The following MDH1B variants were observed in gnomAD, a reference collection of about 807,000 sequenced individuals.
The protein encoded by MDH1B is putative malate dehydrogenase 1B.
MDH1B carries 60 observed loss-of-function variants against 61.4 expected under a neutral mutation model. The observed-to-expected ratio is 0.98, with a 90% confidence interval of 0.79 to 1.21. The LOEUF (loss-of-function observed/expected upper bound fraction) is 1.21, where lower values mean the gene tolerates loss of function less well. Ranked by LOEUF, MDH1B falls within the 50% of genes most tolerant of loss-of-function variation. The probability of loss-of-function intolerance (pLI) is 0.00; values close to 1 mark genes in which losing one functional copy is unlikely to be tolerated. For synonymous variants in MDH1B, 236 were observed against 218.7 expected (o/e 1.08, Z -0.70); for missense variants, 587 against 632.1 (o/e 0.93, Z 0.76).
chr2:206,749,330 G>A, intron 6 of MDH1B, 147 bp from the exon 7 acceptor site: 1 of 658,594 alleles, frequency 1.5e-6, no homozygotes, highest in Non-Finnish European at 2.4e-6. Flanking sequence ...CTTTCCTCAA[G>A]TGTCTTTGAT....
At chr2:206,756,399 G>A (rs1462995180) in intron 4 of MDH1B, among the ~76,000 whole-genome samples, 1 of 152,138 alleles carries the variant, frequency 6.6e-6, no homozygotes, top group Non-Finnish European at 1.5e-5. Context: ...GAGAGAGCAA[G>A]AGAGACAGAG....
chr2:206,741,743 C>A (rs1171949235), intron 9 of MDH1B, among the ~76,000 whole-genome samples: 1 of 152,058 alleles, frequency 6.6e-6, no homozygotes, highest in Non-Finnish European at 1.5e-5. Flanking sequence ...TCTACGGAAC[C>A]TTGACTATAC....
intron 9 of MDH1B, among the ~76,000 whole-genome samples, chr2:206,745,145 A>G (rs1225834949): frequency 6.6e-6 from 1 of 152,108 alleles, no homozygotes; most frequent in Non-Finnish European, 1.5e-5. Flanking sequence ...AAAGATGGAC[A>G]TGTGAAGAGG....
intron 2 of MDH1B, among the ~76,000 whole-genome samples, chr2:206,758,536 C>G (rs1232810562): frequency 6.6e-6 from 1 of 151,950 alleles, no homozygotes; most frequent in East Asian, 1.9e-4. Context: ...GAGGCCGAGG[C>G]GGGGGGAACA....
intron 6 of MDH1B, among the ~76,000 whole-genome samples, chr2:206,750,665 T>C (rs1322841416): frequency 2.0e-5 from 3 of 152,142 alleles, no homozygotes; most frequent in African/African-American, 7.2e-5. Flanking sequence ...GATTCCCTTA[T>C]ACATGCTTGC....
chr2:206,758,195 T>C, intron 2 of MDH1B, among the ~76,000 whole-genome samples: 1 of 152,180 alleles, frequency 6.6e-6, no homozygotes, highest in East Asian at 1.9e-4. Flanking sequence ...AAAAACCTTC[T>C]GCACCCTGCA....
At chr2:206,750,025 C>T (rs1217914689) in intron 6 of MDH1B, among the ~76,000 whole-genome samples, 1 of 152,104 alleles carries the variant, frequency 6.6e-6, no homozygotes, top group Non-Finnish European at 1.5e-5. Context: ...ACTGGTCCTG[C>T]CCACGCAGCA....
rs1331686128 is a variant in MDH1B at position 206,758,669 on chromosome 2, G to A, written c.136-1298C>T. On this transcript the variant is annotated intron_variant, in intron 2 of 11. Transcript: ENST00000374412. ...TAATCCCAGCTACTCAGGAGGCTGA[G>A]GCAGGAGAATTGCTTGAACCTGGGA... 2.0e-5 allele frequency among the ~76,000 whole-genome samples: 3 copies of A among 152,228 alleles called. No individual in the cohort carries two copies. In the East Asian group the frequency reaches 5.8e-4, roughly 29 times the overall value.
At chr2:206,750,877 A>C in intron 6 of MDH1B, 57 bp downstream of exon 6, 8 of 1,370,868 alleles carry the variant, frequency 5.8e-6, no homozygotes, top group Non-Finnish European at 7.9e-6. Flanking sequence ...AAAGATTACA[A>C]CCATTAAACA....
At chr2:206,754,954 T>C (rs2105941542) in intron 5 of MDH1B, 55 bp downstream of exon 5, 1 of 1,566,518 alleles carries the variant, frequency 6.4e-7, no homozygotes, top group Non-Finnish European at 8.7e-7. Context: ...CCTAGCTGCT[T>C]TGAAATCATG....
intron 3 of MDH1B, 27 bp from the exon 4 acceptor site, chr2:206,757,067 T>C: frequency 2.5e-6 from 4 of 1,603,134 alleles, no homozygotes; most frequent in Non-Finnish European, 3.4e-6. Flanking sequence ...AAAAAGTCAA[T>C]ATCAGAGAAT....
intron 9 of MDH1B, 180 bp from the exon 10 acceptor site, chr2:206,741,284 A>T: frequency 1.3e-6 from 1 of 764,340 alleles, no homozygotes; most frequent in Middle Eastern, 2.4e-4. Context: ...AAACAAAAAA[A>T]TACATGAAAT....
At chr2:206,760,108 G>C (rs192954412) in intron 2 of MDH1B, among the ~76,000 whole-genome samples, 17 of 152,252 alleles carry the variant, frequency 1.1e-4, no homozygotes, top group Admixed American at 1.1e-3. Context: ...GATCCAAAAG[G>C]CACAACAGGT....
intron 2 of MDH1B, among the ~76,000 whole-genome samples, chr2:206,759,673 T>A (rs1688977619): frequency 6.6e-6 from 1 of 152,208 alleles, no homozygotes; most frequent in Admixed American, 6.5e-5. Context: ...TGATTTGCAT[T>A]TCTCTAATAA....
At chr2:206,756,725 A>C in intron 4 of MDH1B, 173 bp downstream of exon 4, 1 of 642,764 alleles carries the variant, frequency 1.6e-6, no homozygotes, top group Non-Finnish European at 2.6e-6. Context: ...TGGAGGATAC[A>C]AACACACACA....
At chr2:206,746,920 A>G (rs1688142615) in intron 7 of MDH1B, among the ~76,000 whole-genome samples, 1 of 152,136 alleles carries the variant, frequency 6.6e-6, no homozygotes, top group South Asian at 2.1e-4. Flanking sequence ...TTCATGGGGG[A>G]TGATTTCCTT....
chr2:206,763,025 T>C (rs1689194171), intron 1 of MDH1B, among the ~76,000 whole-genome samples: 1 of 152,002 alleles, frequency 6.6e-6, no homozygotes, highest in South Asian at 2.1e-4. Context: ...CAAGTAGCAA[T>C]CTATATTTCC....
chr2:206,744,820 G>A (rs761032095), intron 9 of MDH1B, among the ~76,000 whole-genome samples: 23 of 152,068 alleles, frequency 1.5e-4, no homozygotes, highest in Non-Finnish European at 2.9e-4. Context: ...AGCTAATCAG[G>A]AGGCTGAGAC....
intron 1 of MDH1B, among the ~76,000 whole-genome samples, chr2:206,762,108 C>T (rs1471502784): frequency 6.6e-6 from 1 of 152,114 alleles, no homozygotes; most frequent in Non-Finnish European, 1.5e-5. Context: ...TTTAATTGGC[C>T]CTCAACCCTG....
Sources: allele counts gnomAD v4.1 joint callset (sites outside exome capture counted in the v4.1 genomes callset), GRCh38; gene constraint gnomAD v4.1.1; transcripts MANE v1.5; gene names NCBI Gene and HGNC (gene_info 2026-07-23, HGNC 2026-07-21).